The following CEP128 variants were observed in gnomAD, a reference collection of about 807,000 sequenced individuals.
The protein encoded by CEP128 is centrosomal protein 128kDa.
In CEP128, 132 loss-of-function variants were observed where a neutral mutation model predicts 156.7. That is an observed-to-expected ratio of 0.84 (90% CI 0.73 to 0.97). The LOEUF (loss-of-function observed/expected upper bound fraction) is 0.97, where lower values mean the gene tolerates loss of function less well. CEP128 is among the 50% of genes least tolerant of loss of function. The pLI is 0.00. For synonymous variants in CEP128, 469 were observed against 448.9 expected (o/e 1.04, Z -0.57); for missense variants, 1,252 against 1,281.9 (o/e 0.98, Z 0.36).
intron 16 of CEP128, among the ~76,000 whole-genome samples, chr14:80,776,520 C>T (rs1900799591): frequency 6.8e-6 from 1 of 147,156 alleles, no homozygotes; most frequent in South Asian, 2.1e-4. Flanking sequence ...TTTTACTACT[C>T]TATATATTAA....
chr14:80,787,044 A>G (rs898254903), intron 14 of CEP128, among the ~76,000 whole-genome samples: 1 of 152,198 alleles, frequency 6.6e-6, no homozygotes, highest in Non-Finnish European at 1.5e-5. Context: ...AGATGAGCCT[A>G]AGGGTAGATG....
intron 13 of CEP128, among the ~76,000 whole-genome samples, chr14:80,825,380 A>T (rs1022530203): frequency 9.9e-5 from 15 of 152,196 alleles, no homozygotes; most frequent in Non-Finnish European, 2.1e-4. Flanking sequence ...AAGTGCTGGG[A>T]TTACAGGCGT....
At chr14:80,806,804 A>T (rs1884203665) in intron 13 of CEP128, among the ~76,000 whole-genome samples, 1 of 146 alleles carries the variant, frequency 6.8e-3, no homozygotes, top group Non-Finnish European at 0.038. Context: ...GATCAATTTA[A>T]AAAAAAAGTT....
intron 19 of CEP128, among the ~76,000 whole-genome samples, chr14:80,641,699 C>A (rs1385934124): frequency 1.3e-5 from 2 of 152,104 alleles, no homozygotes; most frequent in Non-Finnish European, 2.9e-5. Context: ...GGATTTTTTT[C>A]TCCTTACTCA....
At chr14:80,660,132 T>C (rs1895338086) in intron 19 of CEP128, among the ~76,000 whole-genome samples, 1 of 152,136 alleles carries the variant, frequency 6.6e-6, no homozygotes, top group African/African-American at 2.4e-5. Context: ...ATCATAAGTT[T>C]ATTTTATCCC....
chr14:80,694,013 T>C (rs1896803493), intron 19 of CEP128, among the ~76,000 whole-genome samples: 3 of 152,200 alleles, frequency 2.0e-5, no homozygotes, highest in Non-Finnish European at 2.9e-5. Context: ...AAAAGTGTTT[T>C]AGGTTCTTCC....
At chr14:80,540,099 T>C (rs940095107) in intron 21 of CEP128, among the ~76,000 whole-genome samples, 3 of 152,120 alleles carry the variant, frequency 2.0e-5, no homozygotes, top group Admixed American at 6.6e-5. Context: ...CTTTGTCCTG[T>C]TCCCTCAGAA....
At chr14:80,559,778 A>G (rs1382795026) in intron 20 of CEP128, among the ~76,000 whole-genome samples, 1 of 152,360 alleles carries the variant, frequency 6.6e-6, no homozygotes. Context: ...TGAGTAAATC[A>G]TTATTGAAAA....
At chr14:80,927,046 A>G (rs1885188229) in intron 2 of CEP128, among the ~76,000 whole-genome samples, 1 of 152,190 alleles carries the variant, frequency 6.6e-6, no homozygotes, top group African/African-American at 2.4e-5. Flanking sequence ...CCTTTTAGAC[A>G]TTCTCCAGCT....
intron 16 of CEP128, among the ~76,000 whole-genome samples, chr14:80,776,824 G>GA (rs1459836244): frequency 1.3e-5 from 2 of 152,132 alleles, no homozygotes; most frequent in Admixed American, 1.3e-4. Flanking sequence ...ACCCTTTTAG[G>GA]AAGTGGGTGA....
At chr14:80,825,451 C>G (rs961897518) in intron 13 of CEP128, among the ~76,000 whole-genome samples, 3 of 152,112 alleles carry the variant, frequency 2.0e-5, no homozygotes, top group African/African-American at 7.2e-5. Flanking sequence ...GAAATTATTA[C>G]GGTTTCAGAA....
At chr14:80,773,000 C>T (rs1339667832) in intron 16 of CEP128, among the ~76,000 whole-genome samples, 1 of 152,136 alleles carries the variant, frequency 6.6e-6, no homozygotes, top group African/African-American at 2.4e-5. Context: ...TCTTTTGTAA[C>T]AGAGGAAGCT....
At chr14:80,665,760 G>T (rs1228432217) in intron 19 of CEP128, among the ~76,000 whole-genome samples, 3 of 151,884 alleles carry the variant, frequency 2.0e-5, no homozygotes, top group African/African-American at 7.3e-5. Context: ...TGGGAGAATT[G>T]AATCAAGATG....
chr14:80,682,364 GT>G (rs1168391300), intron 19 of CEP128, among the ~76,000 whole-genome samples: 1 of 152,166 alleles, frequency 6.6e-6, no homozygotes, highest in African/African-American at 2.4e-5. Context: ...GAAAATTGGT[GT>G]TTTAAACTAA....
intron 13 of CEP128, among the ~76,000 whole-genome samples, chr14:80,803,162 C>T (rs1883974787): frequency 6.6e-6 from 1 of 152,102 alleles, no homozygotes. Flanking sequence ...GCATAGTAGG[C>T]AAGACCGACA....
upstream of CEP128, among the ~76,000 whole-genome samples, chr14:80,942,782 CTCTT>C (rs943854721): frequency 8.5e-5 from 13 of 152,192 alleles, no homozygotes; most frequent in African/African-American, 3.1e-4. Flanking sequence ...ATCCCTCTCT[CTCTT>C]TCTTTCTCTC....
At chr14:80,665,841 T>TA (rs539122300) in intron 19 of CEP128, among the ~76,000 whole-genome samples, 17 of 150,718 alleles carry the variant, frequency 1.1e-4, no homozygotes, top group South Asian at 2.1e-4. Flanking sequence ...TGAAATAAGT[T>TA]AAAAAAAAAT....
At chr14:80,901,911 C>A (rs901857903) in intron 6 of CEP128, among the ~76,000 whole-genome samples, 1 of 152,258 alleles carries the variant, frequency 6.6e-6, no homozygotes, top group Non-Finnish European at 1.5e-5. Context: ...ATTTTGTCAG[C>A]CCTGTTACAC....
intron 19 of CEP128, among the ~76,000 whole-genome samples, chr14:80,664,714 C>T (rs1895541951): frequency 6.6e-6 from 1 of 152,156 alleles, no homozygotes; most frequent in African/African-American, 2.4e-5. Flanking sequence ...TGACTATACT[C>T]CATCACTTGA....
Sources: allele counts gnomAD v4.1 joint callset (sites outside exome capture counted in the v4.1 genomes callset), GRCh38; gene constraint gnomAD v4.1.1; transcripts MANE v1.5; gene names NCBI Gene and HGNC (gene_info 2026-07-23, HGNC 2026-07-21).